The following IFT52 variants were observed in gnomAD, a reference collection of about 807,000 sequenced individuals.
IFT52 encodes intraflagellar transport protein 52 homolog.
IFT52 carries 44 observed loss-of-function variants against 54.4 expected under a neutral mutation model. That is an observed-to-expected ratio of 0.81 (90% CI 0.63 to 1.04). The LOEUF (loss-of-function observed/expected upper bound fraction) is 1.04, where lower values mean the gene tolerates loss of function less well. Ranked by LOEUF, IFT52 falls within the 50% of genes least tolerant of loss-of-function variation. IFT52 has a pLI of 0.00. For synonymous variants in IFT52, 181 were observed against 185.3 expected (o/e 0.98, Z 0.19); for missense variants, 452 against 523.6 (o/e 0.86, Z 1.33).
chr20:43,631,611 A>G (rs1426833887), intron 10 of IFT52, among the ~76,000 whole-genome samples: 1 of 152,236 alleles, frequency 6.6e-6, no homozygotes, highest in East Asian at 1.9e-4. Context: ...ATTGCATACA[A>G]TGCAAAAGGA....
At chr20:43,619,426 TTTG>T (rs968569400) in intron 8 of IFT52, among the ~76,000 whole-genome samples, 2 of 152,152 alleles carry the variant, frequency 1.3e-5, no homozygotes, top group African/African-American at 4.8e-5. Flanking sequence ...TTCTTCTTTT[TTTG>T]TTGTTGTTGT....
intron 3 of IFT52, among the ~76,000 whole-genome samples, chr20:43,603,548 T>C (rs56234857): frequency 0.011 from 1,649 of 152,310 alleles, 21 homozygotes; most frequent in African/African-American, 0.029. Context: ...AGCTTTGAAA[T>C]TGTCAATTTA....
chr20:43,610,312 TA>T (rs34148938), intron 6 of IFT52, among the ~76,000 whole-genome samples: 104,087 of 141,390 alleles, frequency 0.74, 38,661 homozygotes, highest in East Asian at 0.79. Context: ...AAAAAAACCT[TA>T]AAAAAAATAA....
intron 3 of IFT52, among the ~76,000 whole-genome samples, chr20:43,598,727 T>G (rs1205833215): frequency 1.3e-5 from 2 of 152,144 alleles, no homozygotes; most frequent in African/African-American, 4.8e-5. Flanking sequence ...TGCTGAACTA[T>G]ATACTTCAGA....
intron 6 of IFT52, among the ~76,000 whole-genome samples, chr20:43,607,759 GGC>G (rs1983065308): frequency 6.6e-6 from 1 of 152,112 alleles, no homozygotes; most frequent in Non-Finnish European, 1.5e-5. Context: ...GCCGGGCAGA[GGC>G]TGCACTCTCG....
At chr20:43,641,177 TTTAA>T (rs2145678546) in intron 12 of IFT52, among the ~76,000 whole-genome samples, 1 of 152,272 alleles carries the variant, frequency 6.6e-6, no homozygotes, top group East Asian at 1.9e-4. Flanking sequence ...GATTTTTTTC[TTTAA>T]TTTTCTTTCT....
At chr20:43,617,806 G>A (rs372219683) in intron 7 of IFT52, among the ~76,000 whole-genome samples, 1 of 151,778 alleles carries the variant, frequency 6.6e-6, no homozygotes, top group Admixed American at 6.6e-5. Context: ...GCAGTGGCGC[G>A]ATCTCAGCTC....
At chr20:43,613,712 G>A (rs1311885771) in intron 6 of IFT52, 138 bp from the exon 7 acceptor site, 5 of 764,356 alleles carry the variant, frequency 6.5e-6, no homozygotes, top group African/African-American at 1.7e-5. Flanking sequence ...AGCCAAGATC[G>A]CACCACTGCA....
intron 4 of IFT52, 29 bp from the exon 5 acceptor site, chr20:43,604,154 A>G: frequency 1.3e-6 from 2 of 1,538,500 alleles, no homozygotes; most frequent in Non-Finnish European, 1.8e-6. Flanking sequence ...CTAACCTAAA[A>G]TATACCTCCT....
chr20:43,629,818 A>G (rs998465097), intron 10 of IFT52, among the ~76,000 whole-genome samples: 3 of 152,208 alleles, frequency 2.0e-5, no homozygotes, highest in Admixed American at 6.6e-5. Context: ...ACATTTATGT[A>G]CTTTGCATTA....
At chr20:43,631,388 A>G (rs1343972714) in intron 10 of IFT52, among the ~76,000 whole-genome samples, 2 of 152,220 alleles carry the variant, frequency 1.3e-5, no homozygotes, top group Non-Finnish European at 2.9e-5. Flanking sequence ...GCACCTGGAA[A>G]TAGTGGAGGA....
At chr20:43,603,968 G>A in intron 4 of IFT52, 79 bp downstream of exon 4, 1 of 1,118,736 alleles carries the variant, frequency 8.9e-7, no homozygotes, top group South Asian at 1.4e-5. Flanking sequence ...AGGTCCAGTG[G>A]CATAATGGAA....
chr20:43,616,597 A>G (rs959195160), intron 7 of IFT52, among the ~76,000 whole-genome samples: 3 of 152,122 alleles, frequency 2.0e-5, no homozygotes, highest in Admixed American at 2.0e-4. Flanking sequence ...AAAGAAAAAA[A>G]ATTCCCCCAT....
chr20:43,633,338 C>T (rs766688023), intron 10 of IFT52, among the ~76,000 whole-genome samples: 13 of 150,300 alleles, frequency 8.6e-5, no homozygotes, highest in Non-Finnish European at 1.8e-4. Flanking sequence ...AGCGAAACTC[C>T]GTCTCAAAAA....
chr20:43,647,089 C>T lies in IFT52; in HGVS notation c.*106C>T, dbSNP rs1265949165. On this transcript the variant is annotated 3_prime_UTR_variant, in exon 14 of 14. Transcript: ENST00000373030. Reference sequence around the variant, plus strand: ...CAAAATTGTTTATACACTCTTTCCTCCATGAGCTCTGGAAGGTATATGCAT... The same window carrying T: ...CAAAATTGTTTATACACTCTTTCCTTCATGAGCTCTGGAAGGTATATGCAT... 13 of 973,342 alleles carry T rather than the reference C, an allele frequency of 1.3e-5. No individual in the cohort carries two copies. In the Admixed American group the frequency reaches 1.9e-4, roughly 14 times the overall value. 60.3% of individuals were successfully genotyped at this position (973,342 alleles called of 1,614,324 possible).
chr20:43,603,911 A>G (rs988587089), intron 4 of IFT52, 22 bp downstream of exon 4: 4 of 1,376,906 alleles, frequency 2.9e-6, no homozygotes, highest in African/African-American at 1.4e-5. Context: ...TATTATTTTC[A>G]GTAGAGGCAG....
intron 10 of IFT52, among the ~76,000 whole-genome samples, chr20:43,633,952 C>A (rs2145663460): frequency 6.6e-6 from 1 of 150,898 alleles, no homozygotes; most frequent in East Asian, 2.0e-4. Context: ...CCTCTTGAGG[C>A]CAGGGGTTCG....
chr20:43,638,861 G>C lies in IFT52; in HGVS notation c.1120+1608G>C, dbSNP rs1217150616. On this transcript the variant is annotated intron_variant, in intron 12 of 13. Transcript: ENST00000373030. ...GCATGTACAAGAGGATACCAGCTAT[G>C]TCAGTAACATCTGTATGTGCCCAAA... Among the ~76,000 whole-genome samples the C allele has an allele frequency of 8.5e-5, 13 of 152,200 alleles. 1 individual carries two copies. Among genetic ancestry groups the C allele is most frequent in the Admixed American group, 8.5e-4 (13 of 15,270 alleles).
chr20:43,612,973 C>T (rs1983574902), intron 6 of IFT52, among the ~76,000 whole-genome samples: 2 of 152,120 alleles, frequency 1.3e-5, no homozygotes, highest in South Asian at 4.1e-4. Context: ...ACCCCAGAAT[C>T]TGCACCCCAC....
Sources: gnomAD v4.1 joint callset for allele counts (sites outside exome capture counted in the v4.1 genomes callset) on GRCh38, gnomAD v4.1.1 for gene constraint, MANE v1.5 for transcripts, NCBI Gene and HGNC (gene_info 2026-07-23, HGNC 2026-07-21) for gene names.